Variants in ZNF554 observed in about 807,000 individuals in gnomAD.
ZNF554 encodes zinc finger protein 554.
In ZNF554, 15 loss-of-function variants were observed where a neutral mutation model predicts 21.2. The ratio of observed to expected loss-of-function variants is 0.71; its 90% CI spans 0.47 to 1.09. ZNF554 has a LOEUF of 1.09. Among genes scored for constraint, ZNF554 ranks in the 50% least tolerant of loss-of-function variants. ZNF554 has a pLI of 0.00. For missense variants in ZNF554, 691 were observed against 662.7 expected (o/e 1.04, Z -0.47); for synonymous variants, 258 against 251.4 (o/e 1.03, Z -0.25).
At chr19:2,822,994 G>C in intron 1 of ZNF554, 46 bp from the exon 2 acceptor site, 1 of 1,589,380 alleles carries the variant, frequency 6.3e-7, no homozygotes, top group Non-Finnish European at 8.6e-7. Context: ...GGGATCTGGG[G>C]ACTGGCCTGG....
At position 2,834,262 on chromosome 19, in the gene ZNF554, C is replaced by T; in HGVS notation, c.1027C>T (p.Gln343Ter). ...FNRRHSLSEHQRIHTGEKPYE... is the reference protein window; with the variant it reads ...FNRRHSLSEH ...CCGGAGGCATTCTTTGAGCGAACATCAAAGAATTCACACGGGGGAGAAACC... is the reference window on the plus strand; with the variant it reads ...CCGGAGGCATTCTTTGAGCGAACATTAAAGAATTCACACGGGGGAGAAACC... The change falls in exon 5 of 5, where the codon CAA becomes TAA. Residue 343 changes from glutamine (Q) to a stop codon, truncating the protein, a stop_gained. Coordinates refer to ENST00000317243, the MANE Select transcript of ZNF554 (RefSeq NM_001102651.2). LOFTEE classifies it low-confidence loss of function (END_TRUNC). 2 of 1,614,114 alleles carry T rather than the reference C, an allele frequency of 1.2e-6. No homozygotes were observed. The highest frequency in any genetic ancestry group is 1.7e-5 in the Admixed American group (1 of 60,022).
chr19:2,836,142 G>A lies in ZNF554; in HGVS notation c.*1290G>A, dbSNP rs571528042. On this transcript the variant is annotated 3_prime_UTR_variant, in exon 5 of 5. Transcript: ENST00000317243. ...GTGAGCCACCGTGCTGGTATTACGG[G>A]TGTGAGCCACTGTGCTGGGATTACG... 1.3e-5 allele frequency among the ~76,000 whole-genome samples: 2 copies of A among 151,152 alleles called. No homozygotes were observed. Among genetic ancestry groups the A allele is most frequent in the African/African-American group, 4.8e-5 (2 of 41,268 alleles).
Position 2,833,985 on chromosome 19 carries a change from T to C in ZNF554, c.750T>C (p.Asp250=), listed in dbSNP as rs1289171347. Residue 250 remains aspartate, a synonymous_variant, in exon 5 of 5, where the codon GAT becomes GAC. Coordinates refer to ENST00000317243, the MANE Select transcript of ZNF554 (RefSeq NM_001102651.2). ...KGNHLCGSEL[D]ITSLASDSVL... The stretch of plus-strand genomic sequence containing the variant: ...ACCACTTGTGTGGCAGCGAGTTAGA[T>C]ATTACAAGCTTGGCATCCGATTCAG... The C allele has an allele frequency of 6.2e-7, 1 of 1,614,138 alleles. No individual in the cohort carries two copies.
At chr19:2,829,085 G>A (rs58538328) in intron 3 of ZNF554, among the ~76,000 whole-genome samples, 5,746 of 152,170 alleles carry the variant, frequency 0.038, 115 homozygotes, top group Middle Eastern at 0.1. Flanking sequence ...TAGGCTGGGC[G>A]TGGTGGTTCA....
Position 2,823,057 on chromosome 19 carries a change from C to G in ZNF554, c.71C>G (p.Thr24Ser). The G allele has an allele frequency of 6.2e-7, 1 of 1,613,648 alleles. No homozygotes were observed. Among genetic ancestry groups the G allele is most frequent in the Non-Finnish European group, 8.5e-7 (1 of 1,179,648 alleles). Residue 24 changes from threonine (T) to serine (S), a missense_variant, in exon 2 of 5, where the codon ACC becomes AGC. Transcript: ENST00000317243. ...CCCCACAGCTCTGCCTGCCCAGGAA[C>G]CTGCTTTTCCCAAGAGGAGAGAATG... is the stretch of plus-strand genomic sequence containing the variant. ...PAAQPSACPG[T>S]CFSQEERMAA...
chr19:2,823,265 C>T (rs1047542777), intron 2 of ZNF554, among the ~76,000 whole-genome samples, 153 bp downstream of exon 2: 1 of 152,128 alleles, frequency 6.6e-6, no homozygotes, highest in African/African-American at 2.4e-5. Flanking sequence ...ACTCCTGCTG[C>T]TCCCAGGTGT....
chr19:2,827,680 C>A lies in ZNF554; in HGVS notation c.190C>A (p.Pro64Thr). 1 of 1,614,044 alleles carries A rather than the reference C, an allele frequency of 6.2e-7. No homozygotes were observed. Among genetic ancestry groups the A allele is most frequent in the Non-Finnish European group, 8.5e-7 (1 of 1,179,966 alleles). ...FSQEEWELLE[P>T]AQKNLYREVM... The stretch of plus-strand genomic sequence containing the variant: ...CCAGGAGGAGTGGGAGTTGCTGGAG[C>A]CTGCTCAGAAGAACCTGTACAGAGA... Residue 64 changes from proline to threonine, a missense_variant, in exon 3 of 5, where the codon CCT becomes ACT. By Grantham distance (38) the Pro-to-Thr change is conservative. Coordinates refer to ENST00000317243, the MANE Select transcript of ZNF554 (RefSeq NM_001102651.2).
Position 2,832,439 on chromosome 19 carries a change from G to A in ZNF554, c.390G>A (p.Glu130=). ...LFQPVASSHL[E]QREALWIEEK... ...AACCAGTGGCTTCTTCCCACTTGGA[G>A]CAAAGAGAAGCCCTGTGGATAGAGG... The change falls in exon 4 of 5, where the codon GAG becomes GAA. Residue 130 remains glutamate (E), a synonymous_variant. Coordinates refer to ENST00000317243, the MANE Select transcript of ZNF554 (RefSeq NM_001102651.2). 1 of 1,614,086 alleles carries A rather than the reference G, an allele frequency of 6.2e-7. No homozygotes were observed. Among genetic ancestry groups the A allele is most frequent in the African/African-American group, 1.3e-5 (1 of 75,028 alleles).
rs1303578173 is a variant in ZNF554, at chr19:2,821,096, C to CT, written c.53+982dup. ...AACAGGTTGGTTTCTTTTTCTTCTT[C>CT]TTTTTTTTTTCTTGAGACAGTCTCG... On this transcript the variant is annotated intron_variant, in intron 1 of 4. Coordinates refer to ENST00000317243, the MANE Select transcript of ZNF554 (RefSeq NM_001102651.2). This position sits in a 1 kb window ranked among gnomAD's most constrained non-coding sequence, Gnocchi z 8.2. Among the ~76,000 whole-genome samples, 197 of 149,448 alleles carry CT rather than the reference C, an allele frequency of 1.3e-3. 2 individuals carry two copies. The highest frequency in any genetic ancestry group is 2.9e-3 in the African/African-American group (117 of 40,576).
chr19:2,829,195 C>G (rs1438058229), intron 3 of ZNF554, among the ~76,000 whole-genome samples: 1 of 151,864 alleles, frequency 6.6e-6, no homozygotes, highest in East Asian at 1.9e-4. Flanking sequence ...CCCATCTCTA[C>G]TAAAAATACA....
chr19:2,834,862 G>C lies in ZNF554; in HGVS notation c.*10G>C. The stretch of plus-strand genomic sequence containing the variant: ...TCTTATTGGATATTAGCAATTGCAC[G>C]CTGCTTTGTAAGCCACTTTTTAGTA... On this transcript the variant is annotated 3_prime_UTR_variant, in exon 5 of 5. Coordinates refer to ENST00000317243, the MANE Select transcript of ZNF554 (RefSeq NM_001102651.2). 1 of 1,561,732 alleles carries C rather than the reference G, an allele frequency of 6.4e-7. No individual in the cohort carries two copies. The highest frequency in any genetic ancestry group is 8.7e-7 in the Non-Finnish European group (1 of 1,151,482).
intron 1 of ZNF554, among the ~76,000 whole-genome samples, chr19:2,820,776 T>C (rs964372292): frequency 3.4e-5 from 5 of 147,724 alleles, no homozygotes; most frequent in Admixed American, 2.0e-4. Context: ...GCCATTGTCC[T>C]GCCTCAGCCT....
chr19:2,834,387 G>A lies in ZNF554; in HGVS notation c.1152G>A (p.Glu384=). Reference sequence around the variant, plus strand: ...GAGAGAAGCCCTACGGGTGCGGTGAGTGCGGGAAAGCCTTCAACAGGATCT... The same window carrying A: ...GAGAGAAGCCCTACGGGTGCGGTGAATGCGGGAAAGCCTTCAACAGGATCT... ...HTGEKPYGCG[E]CGKAFNRISS... The change falls in exon 5 of 5, where the codon GAG becomes GAA. Residue 384 remains glutamate, a synonymous_variant. Transcript: ENST00000317243. 6.2e-7 allele frequency: 1 copy of A among 1,613,644 alleles called. No homozygotes were observed. Among genetic ancestry groups the A allele is most frequent in the South Asian group, 1.1e-5 (1 of 91,068 alleles).
chr19:2,830,049 G>A (rs886618559), intron 3 of ZNF554, among the ~76,000 whole-genome samples: 4 of 151,746 alleles, frequency 2.6e-5, no homozygotes, highest in Admixed American at 6.6e-5. Context: ...CTCAGCCTCC[G>A]GAGTAGCTGG....
rs748376078 is a variant in ZNF554 at position 2,834,639 on chromosome 19, G to T, written c.1404G>T (p.Gln468His). The change falls in exon 5 of 5, where the codon CAG (glutamine) becomes CAT (histidine). Residue 468 changes from glutamine (Q) to histidine (H), a missense_variant. Coordinates refer to ENST00000317243, the MANE Select transcript of ZNF554 (RefSeq NM_001102651.2). ...GCGAGAACCCCTATGAATGTAAGCA[G>T]TGTGGGAGAGCCTTCAGCCAGAGGT... is the stretch of plus-strand genomic sequence containing the variant. ...HTGENPYECKQCGRAFSQRSS... is the reference protein window; with the variant it reads ...HTGENPYECKHCGRAFSQRSS... The T allele has an allele frequency of 3.1e-5, 50 of 1,613,968 alleles. No homozygotes were observed. The highest frequency in any genetic ancestry group is 4.0e-5 in the African/African-American group (3 of 74,896).
chr19:2,832,349 A>T lies in ZNF554; in HGVS notation c.300A>T (p.Pro100=). ...QCTDVGIKEG[P]LSPAQTSQVT... is the part of the protein sequence containing the mutation. The stretch of plus-strand genomic sequence containing the variant: ...CTGATGTGGGGATTAAAGAGGGTCC[A>T]CTTTCCCCAGCACAAACCTCACAAG... The change falls in exon 4 of 5, where the codon CCA becomes CCT. Residue 100 remains proline (P), a synonymous_variant. Coordinates refer to ENST00000317243, the MANE Select transcript of ZNF554 (RefSeq NM_001102651.2). 6.2e-7 allele frequency: 1 copy of T among 1,613,128 alleles called. No homozygotes were observed. Among genetic ancestry groups the T allele is most frequent in the Non-Finnish European group, 8.5e-7 (1 of 1,179,656 alleles).
rs71179916 is a variant in ZNF554, at chr19:2,831,593, C to CTTTTTTTTTTTT, written c.254-700_254-689dup. On this transcript the variant is annotated intron_variant, in intron 3 of 4. Transcript: ENST00000317243. ...ACAGGTGTGAGCCACTGCACCCGCC[C>CTTTTTTTTTTTT]TTTTTTTTTTTTTTTTTTTTTGAGA... 3 of 113,480 alleles carry CTTTTTTTTTTTT rather than the reference C, an allele frequency of 2.6e-5. 1 individual carries two copies. The highest frequency in any genetic ancestry group is 1.7e-5 in the Non-Finnish European group (1 of 57,234). The allele number at this position is 113,480 out of a possible 1,614,324, so 7.0% of individuals were successfully genotyped here.
chr19:2,824,747 C>T (rs984928570), intron 2 of ZNF554, among the ~76,000 whole-genome samples: 2 of 152,192 alleles, frequency 1.3e-5, no homozygotes, highest in South Asian at 4.1e-4. Context: ...TAGCCGTTTT[C>T]AAGTGCACAG....
At position 2,834,550 on chromosome 19, in the gene ZNF554, A is replaced by C. The variant is rs374872986; in HGVS notation, c.1315A>C (p.Ser439Arg). ...CACCGGAGAGAAGCCCTACGAATGC[A>C]GTGAATGTGGAAAGGCCTTCAGTGA... is the stretch of plus-strand genomic sequence containing the variant. ...THTGEKPYECSECGKAFSDRS... is the reference protein window; with the variant it reads ...THTGEKPYECRECGKAFSDRS... The change falls in exon 5 of 5, where the codon AGT (serine) becomes CGT (arginine). Residue 439 changes from serine (S) to arginine (R), a missense_variant. Physicochemically the swap from Ser to Arg is moderately radical, Grantham distance 110 (BLOSUM62 -1). Coordinates refer to ENST00000317243, the MANE Select transcript of ZNF554 (RefSeq NM_001102651.2). 102 of 1,614,142 alleles carry C rather than the reference A, an allele frequency of 6.3e-5. No individual in the cohort carries two copies. In the Middle Eastern group the frequency reaches 1.2e-3, roughly 18 times the overall value.
Sources: gnomAD v4.1 joint callset for allele counts (sites outside exome capture counted in the v4.1 genomes callset) on GRCh38, gnomAD v4.1.1 for gene constraint, Gnocchi (gnomAD v3.1) non-coding constraint, MANE v1.5 for transcripts, NCBI Gene and HGNC (gene_info 2026-07-23, HGNC 2026-07-21) for gene names.